C2CD5: variants seen among roughly 807,000 people sequenced by gnomAD.
C2CD5 encodes the protein C2 domain-containing protein 5.
Under a neutral mutation model 130.3 loss-of-function variants are expected in C2CD5, and 109 were observed. That is an observed-to-expected ratio of 0.84 (90% CI 0.72 to 0.98). The LOEUF (loss-of-function observed/expected upper bound fraction) is 0.98, where lower values mean the gene tolerates loss of function less well. Ranked by LOEUF, C2CD5 falls within the 50% of genes least tolerant of loss-of-function variation. The pLI, the probability that C2CD5 is intolerant of heterozygous loss-of-function variation, is 0.00. For missense variants in C2CD5, 996 were observed against 1,261.8 expected, an observed-to-expected ratio of 0.79 and a Z score of 3.19; for synonymous variants, 454 against 429.2, an observed-to-expected ratio of 1.06 and a Z score of -0.71.
chr12:22,472,478 T>C, intron 17 of C2CD5, 131 bp from the exon 18 acceptor site: 1 of 628,902 alleles, frequency 1.6e-6, no homozygotes, highest in South Asian at 2.2e-5. Context: ...AAACTATACC[T>C]GCAGGAGACT....
chr12:22,539,992 C>CAAA (rs59902224), intron 2 of C2CD5, among the ~76,000 whole-genome samples: 2 of 90,778 alleles, frequency 2.2e-5, no homozygotes, highest in African/African-American at 3.9e-5. Flanking sequence ...AGCTCCGTCT[C>CAAA]AAAAAAAAAA....
At position 22,537,423 on chromosome 12, in the gene C2CD5, CAAAAAG is replaced by C. The variant is rs572596034; in HGVS notation, c.91-2085_91-2080del. Among the ~76,000 whole-genome samples, 248 of 152,096 alleles carry C rather than the reference CAAAAAG, an allele frequency of 1.6e-3. 1 individual carries two copies. Among genetic ancestry groups the C allele is most frequent in the African/African-American group, 5.7e-3 (238 of 41,514 alleles). ...AAGAAAACAAATAAAGGACAAGAAACAAAAAGAAAAAGGCTGGAGTGTGTATTTTGC... is the reference window on the plus strand; with the variant it reads ...AAGAAAACAAATAAAGGACAAGAAACAAAAAGGCTGGAGTGTGTATTTTGC... On this transcript the variant is annotated intron_variant, in intron 2 of 26. Coordinates refer to ENST00000446597, the MANE Select transcript of C2CD5 (RefSeq NM_001286176.2).
chr12:22,468,182 T>C (rs1437911027), intron 22 of C2CD5, among the ~76,000 whole-genome samples: 5 of 151,468 alleles, frequency 3.3e-5, no homozygotes, highest in Non-Finnish European at 7.4e-5. Context: ...AAGTAGATGT[T>C]AAAGAAAAAA....
Position 22,506,774 on chromosome 12 carries a change from C to A in C2CD5, c.1084G>T (p.Val362Leu). The A allele has an allele frequency of 6.2e-7, 1 of 1,612,586 alleles. No homozygotes were observed. The highest frequency in any genetic ancestry group is 8.5e-7 in the Non-Finnish European group (1 of 1,178,740). The change falls in exon 10 of 27, where the codon GTA (valine) becomes TTA (leucine). Residue 362 changes from valine to leucine, a missense_variant. Physicochemically the swap from Val to Leu is conservative, Grantham distance 32. Transcript: ENST00000446597. ...TLTAFPPGFL[V>L]HVGGVVSARS... ...GCACTAACTACACCCCCAACGTGTA[C>A]AAGGAATCCAGGAGGAAATGCCGTC... is the stretch of plus-strand genomic sequence containing the variant.
intron 11 of C2CD5, among the ~76,000 whole-genome samples, chr12:22,491,502 A>T (rs1946349905): frequency 6.6e-6 from 1 of 152,150 alleles, no homozygotes; most frequent in South Asian, 2.1e-4. Flanking sequence ...AGCATCCTAT[A>T]TCTCAATCTT....
At chr12:22,525,781 C>G (rs940899309) in intron 4 of C2CD5, 76 bp from the exon 5 acceptor site, 29 of 765,876 alleles carry the variant, frequency 3.8e-5, no homozygotes, top group South Asian at 1.2e-4. Flanking sequence ...CAAATTAATG[C>G]TAAATAATGA....
Position 22,449,094 on chromosome 12 carries a change from A to G in C2CD5, c.*666T>C, listed in dbSNP as rs558132668. The stretch of plus-strand genomic sequence containing the variant: ...ATGTTGCCAGTTATAAAATTATATA[A>G]TAATCTTTTCCTCCCTCCTTAGAGA... On this transcript the variant is annotated 3_prime_UTR_variant, in exon 27 of 27. Transcript: ENST00000446597. 73 of 152,288 alleles carry G rather than the reference A, an allele frequency of 4.8e-4. No individual in the cohort carries two copies. Among genetic ancestry groups the G allele is most frequent in the African/African-American group, 1.6e-3 (68 of 41,574 alleles). The allele number at this position is 152,288 out of a possible 1,614,324, so 9.4% of individuals were successfully genotyped here.
At chr12:22,520,253 T>C (rs1456006144) in intron 7 of C2CD5, among the ~76,000 whole-genome samples, 1 of 152,128 alleles carries the variant, frequency 6.6e-6, no homozygotes, top group Non-Finnish European at 1.5e-5. Flanking sequence ...AAAACTATCA[T>C]CCCCATTTTT....
At chr12:22,494,238 C>T (rs1481248460) in intron 10 of C2CD5, among the ~76,000 whole-genome samples, 1 of 151,662 alleles carries the variant, frequency 6.6e-6, no homozygotes, top group Non-Finnish European at 1.5e-5. Flanking sequence ...CTTTTTGTGG[C>T]CAATTCTCAT....
At chr12:22,525,933 T>C (rs1434628252) in intron 4 of C2CD5, among the ~76,000 whole-genome samples, 1 of 152,222 alleles carries the variant, frequency 6.6e-6, no homozygotes, top group Non-Finnish European at 1.5e-5. Context: ...TTTGTTTTAG[T>C]TGATTCTGTC....
At chr12:22,450,152 C>T (rs1406411775) in intron 26 of C2CD5, among the ~76,000 whole-genome samples, 2 of 152,104 alleles carry the variant, frequency 1.3e-5, no homozygotes, top group African/African-American at 4.8e-5. Context: ...CGAGACACCA[C>T]TTCATATATA....
chr12:22,509,028 C>T (rs1172997529), intron 9 of C2CD5, among the ~76,000 whole-genome samples: 1 of 151,788 alleles, frequency 6.6e-6, no homozygotes, highest in Admixed American at 6.6e-5. Context: ...AGGCGCCCGC[C>T]ACCGCGCCCG....
At position 22,466,518 on chromosome 12, in the gene C2CD5, CTTCT is replaced by C. The variant is rs534049418; in HGVS notation, c.2533+3187_2533+3190del. The stretch of plus-strand genomic sequence containing the variant: ...ATTTTTGAATTTTTCCAGACATTGC[CTTCT>C]TTCATGTTACAACACGCAATTACTC... On this transcript the variant is annotated intron_variant, in intron 22 of 26. Transcript: ENST00000446597. Among the ~76,000 whole-genome samples the C allele has an allele frequency of 3.7e-4, 56 of 152,164 alleles. 2 individuals carry two copies. The East Asian group carries it at 9.3e-3, about 25-fold the overall frequency.
At chr12:22,471,190 T>C (rs1287018575) in intron 20 of C2CD5, among the ~76,000 whole-genome samples, 1 of 152,062 alleles carries the variant, frequency 6.6e-6, no homozygotes, top group African/African-American at 2.4e-5. Flanking sequence ...ACTGTATACA[T>C]GCTGAAGCAT....
rs778910228 is a variant in C2CD5 at position 22,478,308 on chromosome 12, C to T, written c.1902+5G>A. 1 of 1,604,944 alleles carries T rather than the reference C, an allele frequency of 6.2e-7. No homozygotes were observed. The highest frequency in any genetic ancestry group is 1.1e-5 in the South Asian group (1 of 90,874). On this transcript the variant is annotated splice_donor_5th_base_variant and intron_variant, in intron 15 of 26. Transcript: ENST00000446597. ...ACATTCACAATGTAGGTTTGTTTTA[C>T]TTACTGGAGGATTGATTTCATATAA...
At chr12:22,508,182 T>C (rs1400283544) in intron 9 of C2CD5, among the ~76,000 whole-genome samples, 1 of 152,070 alleles carries the variant, frequency 6.6e-6, no homozygotes, top group African/African-American at 2.4e-5. Context: ...CCCATGAAGG[T>C]TGAGTATAAA....
At chr12:22,533,375 G>A (rs564298825) in intron 3 of C2CD5, among the ~76,000 whole-genome samples, 1 of 152,224 alleles carries the variant, frequency 6.6e-6, no homozygotes, top group South Asian at 2.1e-4. Flanking sequence ...CCAGCGTCTG[G>A]GCTATAATAA....
At chr12:22,531,950 C>T (rs539027413) in intron 3 of C2CD5, among the ~76,000 whole-genome samples, 1 of 152,230 alleles carries the variant, frequency 6.6e-6, no homozygotes, top group South Asian at 2.1e-4. Flanking sequence ...TATACATTAA[C>T]GAAAGAACAG....
At position 22,531,466 on chromosome 12, in the gene C2CD5, C is replaced by T. The variant is rs896577334; in HGVS notation, c.178-3574G>A. On this transcript the variant is annotated intron_variant, in intron 3 of 26. Coordinates refer to ENST00000446597, the MANE Select transcript of C2CD5 (RefSeq NM_001286176.2). ...GACCAATGGAATGGAGTTGAGAGTG[C>T]GGAAATAAATCCTTACATCTATGTC... is the stretch of plus-strand genomic sequence containing the variant. Among the ~76,000 whole-genome samples the T allele has an allele frequency of 5.3e-5, 8 of 152,160 alleles. No individual in the cohort carries two copies. The South Asian group carries it at 1.0e-3, about 20-fold the overall frequency.
Sources: allele counts gnomAD v4.1 joint callset (sites outside exome capture counted in the v4.1 genomes callset), GRCh38; gene constraint gnomAD v4.1.1; transcripts MANE v1.5; gene names NCBI Gene and HGNC (gene_info 2026-07-23, HGNC 2026-07-21).